Variants in GLIS3 observed in about 807,000 individuals in gnomAD.
The protein encoded by GLIS3 is GLIS family zinc finger 3.
A neutral mutation model predicts 78.6 loss-of-function variants in GLIS3; 53 were observed. The observed-to-expected ratio is 0.67, with a 90% CI of 0.54 to 0.85. The LOEUF (loss-of-function observed/expected upper bound fraction) is 0.85, where lower values mean the gene tolerates loss of function less well. Among genes scored for constraint, GLIS3 ranks in the 40% least tolerant of loss-of-function variants. GLIS3 has a pLI of 0.00. For synonymous variants in GLIS3, 684 were observed against 509.9 expected, an observed-to-expected ratio of 1.34 and a Z score of -4.60; for missense variants, 1,703 against 1,231.1, an observed-to-expected ratio of 1.38 and a Z score of -5.74.
intron 4 of GLIS3, among the ~76,000 whole-genome samples, chr9:4,042,956 A>C (rs1030220183): frequency 2.6e-5 from 4 of 152,028 alleles, no homozygotes; most frequent in African/African-American, 9.7e-5. Flanking sequence ...AAAAGAAAAA[A>C]AAAAAAAAAG....
At chr9:4,306,861 TAG>T (rs1276528600) in intron 4 of GLIS3, among the ~76,000 whole-genome samples, 3 of 152,194 alleles carry the variant, frequency 2.0e-5, no homozygotes, top group Non-Finnish European at 2.9e-5. Context: ...GCAACAGAAG[TAG>T]AGAGTCCTTA....
chr9:4,093,624 A>G (rs1236015525), intron 4 of GLIS3, among the ~76,000 whole-genome samples: 1 of 152,186 alleles, frequency 6.6e-6, no homozygotes, highest in Non-Finnish European at 1.5e-5. Context: ...ATAAGGGGCT[A>G]TAAATACTCA....
At chr9:4,110,727 C>CA (rs1831142658) in intron 4 of GLIS3, among the ~76,000 whole-genome samples, 1 of 152,146 alleles carries the variant, frequency 6.6e-6, no homozygotes, top group Admixed American at 6.6e-5. Flanking sequence ...AGGGTTACAA[C>CA]AAGCATTGTC....
At chr9:3,871,892 C>G (rs555126737) in intron 8 of GLIS3, among the ~76,000 whole-genome samples, 43 of 152,356 alleles carry the variant, frequency 2.8e-4, no homozygotes, top group African/African-American at 1.0e-3. Context: ...ATGAGATTTT[C>G]TCTTCTAATG....
At chr9:4,199,952 A>T (rs924892574) in intron 2 of GLIS3, among the ~76,000 whole-genome samples, 1 of 152,212 alleles carries the variant, frequency 6.6e-6, no homozygotes, top group Non-Finnish European at 1.5e-5. Flanking sequence ...AAATCATACC[A>T]ATCGTACTCT....
intron 2 of GLIS3, among the ~76,000 whole-genome samples, chr9:4,166,312 T>C (rs748600072): frequency 6.6e-6 from 1 of 152,126 alleles, no homozygotes; most frequent in Non-Finnish European, 1.5e-5. Flanking sequence ...GGATACACTT[T>C]GATACAGTGA....
intron 4 of GLIS3, among the ~76,000 whole-genome samples, chr9:4,048,145 G>C (rs559836147): frequency 2.0e-5 from 3 of 152,248 alleles, no homozygotes; most frequent in East Asian, 1.9e-4. Context: ...GAATTTATCC[G>C]ACCCCTGAAG....
At chr9:4,125,440 A>C (rs570609385) in intron 3 of GLIS3, among the ~76,000 whole-genome samples, 1 of 152,292 alleles carries the variant, frequency 6.6e-6, no homozygotes, top group African/African-American at 2.4e-5. Flanking sequence ...AGAAATTGAC[A>C]AATTTACACA....
intron 6 of GLIS3, among the ~76,000 whole-genome samples, chr9:3,926,554 G>A (rs1470979881): frequency 6.6e-6 from 1 of 150,858 alleles, no homozygotes; most frequent in Non-Finnish European, 1.5e-5. Flanking sequence ...AAAATTTGCA[G>A]CCAATCTATA....
chr9:4,461,757 T>C, the GLIS3 span, among the ~76,000 whole-genome samples: 1 of 152,152 alleles, frequency 6.6e-6, no homozygotes, highest in African/African-American at 2.4e-5. Flanking sequence ...AGCAGCCATG[T>C]CCCAACTAGC....
At chr9:3,925,047 C>T (rs1370461885) in intron 6 of GLIS3, among the ~76,000 whole-genome samples, 1 of 152,086 alleles carries the variant, frequency 6.6e-6, no homozygotes, top group African/African-American at 2.4e-5. Flanking sequence ...AACTGTGCCC[C>T]AAAAACCCAT....
the GLIS3 span, among the ~76,000 whole-genome samples, chr9:4,356,307 C>T: frequency 6.6e-6 from 1 of 152,138 alleles, no homozygotes; most frequent in Non-Finnish European, 1.5e-5. Context: ...GCAAGTGATC[C>T]AGTGTCTTTC....
In GLIS3 at chr9:4,118,922, C is replaced by A. The variant is rs1223513926; in HGVS notation, c.597-41G>T. ...GAAAGGAAGAAAAAAAAAAGATAAA[C>A]ATTTTAGCAGGATACGGATTGCTTA... On this transcript the variant is annotated intron_variant, in intron 3 of 10. Transcript: ENST00000381971. The surrounding 1 kb of genome is among the most constrained non-coding windows in gnomAD (Gnocchi z 4.7). The A allele has an allele frequency of 6.3e-6, 10 of 1,585,378 alleles. No individual in the cohort carries two copies. The highest frequency in any genetic ancestry group is 6.0e-6 in the Non-Finnish European group (7 of 1,171,766).
the GLIS3 span, among the ~76,000 whole-genome samples, chr9:4,382,705 T>C: frequency 2.0e-5 from 3 of 152,172 alleles, no homozygotes; most frequent in Admixed American, 2.0e-4. Context: ...GAGTGGGTAC[T>C]ATAGGGTCGA....
chr9:3,946,834 C>T (rs537762143), intron 4 of GLIS3, among the ~76,000 whole-genome samples: 2 of 152,136 alleles, frequency 1.3e-5, no homozygotes, highest in East Asian at 1.9e-4. Context: ...CCTTTAAAAG[C>T]TGAGCTAATA....
chr9:4,331,307 C>T (rs149566274), intron 2 of GLIS3, among the ~76,000 whole-genome samples: 22 of 152,252 alleles, frequency 1.4e-4, no homozygotes, highest in South Asian at 1.0e-3. Context: ...TCTGAGTCCT[C>T]TCCTTGTCTC....
At chr9:3,877,563 T>C (rs1240033577) in intron 8 of GLIS3, among the ~76,000 whole-genome samples, 1 of 152,208 alleles carries the variant, frequency 6.6e-6, no homozygotes, top group African/African-American at 2.4e-5. Flanking sequence ...CCACTCAACA[T>C]TGTTTTTTCC....
chr9:3,933,522 A>C (rs1419201007), intron 5 of GLIS3, among the ~76,000 whole-genome samples: 4 of 152,230 alleles, frequency 2.6e-5, no homozygotes, highest in African/African-American at 9.6e-5. Context: ...TCAAGAAATG[A>C]AAAATTTAAA....
chr9:4,192,957 A>G (rs1477297865), intron 2 of GLIS3, among the ~76,000 whole-genome samples: 1 of 152,250 alleles, frequency 6.6e-6, no homozygotes, highest in Admixed American at 6.5e-5. Flanking sequence ...CAGCATTCTG[A>G]AGAGTGCAGT....
Sources: allele counts gnomAD v4.1 joint callset (sites outside exome capture counted in the v4.1 genomes callset), GRCh38; gene constraint gnomAD v4.1.1; non-coding constraint Gnocchi (gnomAD v3.1); transcripts MANE v1.5; gene names NCBI Gene and HGNC (gene_info 2026-07-23, HGNC 2026-07-21).